Variants in ITGAX observed in about 807,000 individuals in gnomAD.
ITGAX encodes integrin alpha-X.
A neutral mutation model predicts 140.2 loss-of-function variants in ITGAX; 99 were observed. The ratio of observed to expected loss-of-function variants is 0.71; its 90% confidence interval spans 0.60 to 0.83. The LOEUF is 0.83. Among genes scored for constraint, ITGAX ranks in the 40% least tolerant of loss-of-function variants. The probability of loss-of-function intolerance (pLI) is 0.00; values close to 1 mark genes in which losing one functional copy is unlikely to be tolerated. For missense variants in ITGAX, 1,444 were observed against 1,482.0 expected, an observed-to-expected ratio of 0.97 and a Z score of 0.42; for synonymous variants, 631 against 600.4, an observed-to-expected ratio of 1.05 and a Z score of -0.75.
chr16:31,363,888 ACCTCTAAC>A (rs973410978), intron 14 of ITGAX, among the ~76,000 whole-genome samples: 5 of 152,050 alleles, frequency 3.3e-5, no homozygotes, highest in African/African-American at 1.2e-4. Flanking sequence ...CGGCCTCCTG[ACCTCTAAC>A]CCGGTGTGCA....
intron 14 of ITGAX, among the ~76,000 whole-genome samples, chr16:31,368,899 T>C (rs2080921349): frequency 6.6e-6 from 1 of 152,110 alleles, no homozygotes; most frequent in African/African-American, 2.4e-5. Flanking sequence ...ACACAGCACA[T>C]GTTTCAGAGA....
In ITGAX at chr16:31,377,454, G is replaced by T. The variant is rs1272763314; in HGVS notation, c.2789+189G>T. ...GAATTTGCTGTGTGCCAGGCAGGGT[G>T]CTGTGGTTATTTTCCATACATTCAT... On this transcript the variant is annotated intron_variant, in intron 23 of 29. Transcript: ENST00000268296. Among the ~76,000 whole-genome samples, 22 of 152,220 alleles carry T rather than the reference G, an allele frequency of 1.4e-4. 1 individual carries two copies. The highest frequency in any genetic ancestry group is 1.4e-3 in the Admixed American group (22 of 15,284).
In ITGAX at chr16:31,360,450, G is replaced by A. The variant is rs1432461419; in HGVS notation, c.848G>A (p.Arg283His). Residue 283 changes from arginine to histidine, a missense_variant, in exon 8 of 30, where the codon CGC becomes CAC. Arg to His is a conservative substitution (Grantham distance 29, BLOSUM62 0). Coordinates refer to ENST00000268296, the MANE Select transcript of ITGAX (RefSeq NM_000887.5). ...ATGGCTGATGCAGCAGGCATCATCC[G>A]CTATGCAATTGGGGTAGGGCGTGGG... ...IPMADAAGII[R>H]YAIGVGLAFQ... 8.1e-6 allele frequency: 13 copies of A among 1,610,154 alleles called. No homozygotes were observed. Among genetic ancestry groups the A allele is most frequent in the East Asian group, 2.2e-5 (1 of 44,870 alleles).
At chr16:31,367,087 C>A (rs1025964476) in intron 14 of ITGAX, among the ~76,000 whole-genome samples, 6 of 152,176 alleles carry the variant, frequency 3.9e-5, no homozygotes, top group Non-Finnish European at 8.8e-5. Context: ...AAAGCCAAAT[C>A]CAGAGCAAGG....
chr16:31,370,987 C>G, intron 14 of ITGAX, 97 bp from the exon 15 acceptor site: 1 of 1,507,594 alleles, frequency 6.6e-7, no homozygotes, highest in East Asian at 2.3e-5. Flanking sequence ...CCCTTCTCTC[C>G]CTTTCCGATG....
chr16:31,372,232 C>G, intron 17 of ITGAX, 146 bp from the exon 18 acceptor site: 2 of 884,254 alleles, frequency 2.3e-6, no homozygotes, highest in Non-Finnish European at 3.4e-6. Context: ...AGGGAGGCCT[C>G]CTGAAGGCGG....
chr16:31,355,375 G>A (rs2080748037), intron 1 of ITGAX, 84 bp downstream of exon 1: 1 of 1,454,548 alleles, frequency 6.9e-7, no homozygotes, highest in South Asian at 1.2e-5. Context: ...AGGCTGGGGG[G>A]TTAGGATCTG....
chr16:31,371,479 A>G lies in ITGAX; in HGVS notation c.1987A>G (p.Lys663Glu). 3 of 1,613,998 alleles carry G rather than the reference A, an allele frequency of 1.9e-6. No homozygotes were observed. The highest frequency in any genetic ancestry group is 3.3e-4 in the Middle Eastern group (2 of 6,060). The change falls in exon 16 of 30, where the codon AAG becomes GAG. Residue 663 changes from lysine (K) to glutamate (E), a missense_variant. Lys to Glu is a moderately conservative substitution (Grantham distance 56). Transcript: ENST00000268296. The part of the protein sequence containing the change: ...NICLYIDKRS[K>E]NLLGSRDLQS... The stretch of plus-strand genomic sequence containing the variant: ...CTGCCTTTACATTGACAAACGTTCT[A>G]AGAACCTGCTTGGGAGCCGTGAGTC...
Position 31,382,053 on chromosome 16 carries a change from G to A in ITGAX, c.*146G>A. On this transcript the variant is annotated 3_prime_UTR_variant, in exon 30 of 30. Transcript: ENST00000268296. ...TCCTGTCTTTGGGAGAAAACGTCTT[G>A]CTTGGGAAGGGGCCTTTGTCTTGTC... 7.6e-6 allele frequency: 11 copies of A among 1,441,374 alleles called. No individual in the cohort carries two copies. Among genetic ancestry groups the A allele is most frequent in the East Asian group, 2.5e-5 (1 of 40,012 alleles). 89.3% of individuals were successfully genotyped at this position (1,441,374 alleles called of 1,614,324 possible).
intron 16 of ITGAX, 34 bp downstream of exon 16, chr16:31,371,531 G>A: frequency 6.2e-7 from 1 of 1,611,030 alleles, no homozygotes; most frequent in Non-Finnish European, 8.5e-7. Flanking sequence ...AGGACACCCT[G>A]ACCTCTGGAG....
At chr16:31,355,810 T>G in intron 1 of ITGAX, 83 bp from the exon 2 acceptor site, 2 of 1,044,524 alleles carry the variant, frequency 1.9e-6, no homozygotes, top group African/African-American at 1.6e-5. Context: ...GGAGGGGAGA[T>G]TGGGACGCTG....
rs748600496 is a variant in ITGAX at position 31,372,579 on chromosome 16, C to T, written c.2293-18C>T. Reference sequence around the variant, plus strand: ...GGCCTGGGTCTCGGAGAAAACCCCCCGTTGCCTTCCCACGCAGCTACCCTT... The same window carrying T: ...GGCCTGGGTCTCGGAGAAAACCCCCTGTTGCCTTCCCACGCAGCTACCCTT... On this transcript the variant is annotated intron_variant, in intron 18 of 29. Transcript: ENST00000268296. The T allele has an allele frequency of 1.9e-5, 31 of 1,613,984 alleles. No individual in the cohort carries two copies. Among genetic ancestry groups the T allele is most frequent in the Middle Eastern group, 1.6e-4 (1 of 6,082 alleles).
At chr16:31,361,006 T>C (rs1302465736) in intron 8 of ITGAX, 57 bp from the exon 9 acceptor site, 73 of 1,554,630 alleles carry the variant, frequency 4.7e-5, no homozygotes, top group Non-Finnish European at 6.2e-5. Context: ...TTGCACCCAG[T>C]GCACACAGGC....
At chr16:31,364,426 C>CA (rs56776715) in intron 14 of ITGAX, among the ~76,000 whole-genome samples, 2,404 of 40,156 alleles carry the variant, frequency 0.06, 42 homozygotes, top group Non-Finnish European at 0.096. Context: ...AATCCCGTGT[C>CA]AAAAAAAAAA....
chr16:31,381,614 G>C (rs2081069378), intron 29 of ITGAX, among the ~76,000 whole-genome samples, 189 bp from the exon 30 acceptor site: 1 of 152,126 alleles, frequency 6.6e-6, no homozygotes, highest in African/African-American at 2.4e-5. Context: ...GGGCAACAGA[G>C]TGAGACTCCA....
intron 4 of ITGAX, 49 bp from the exon 5 acceptor site, chr16:31,357,204 G>A (rs2080771421): frequency 7.8e-6 from 12 of 1,545,918 alleles, no homozygotes; most frequent in Middle Eastern, 1.7e-4. Flanking sequence ...CGGAATGTGA[G>A]GGTGGGAGGA....
intron 14 of ITGAX, among the ~76,000 whole-genome samples, chr16:31,366,960 G>T (rs1364336679): frequency 6.6e-6 from 1 of 152,188 alleles, no homozygotes; most frequent in Non-Finnish European, 1.5e-5. Context: ...GAAATTAAGA[G>T]TGTTACTCCA....
intron 3 of ITGAX, 32 bp from the exon 4 acceptor site, chr16:31,356,999 G>A (rs1471498608): frequency 1.3e-6 from 2 of 1,574,054 alleles, no homozygotes; most frequent in Non-Finnish European, 8.6e-7. Context: ...CTGTACCCCC[G>A]AGAGTGACCA....
Position 31,371,368 on chromosome 16 carries a change from C to T in ITGAX, c.1876C>T (p.Gln626Ter). The T allele has an allele frequency of 6.2e-7, 1 of 1,614,186 alleles. No homozygotes were observed. The highest frequency in any genetic ancestry group is 8.5e-7 in the Non-Finnish European group (1 of 1,180,028). The change falls in exon 16 of 30, where the codon CAG becomes TAG. Residue 626 changes from glutamine (Q) to a stop codon, truncating the protein, a stop_gained. Transcript: ENST00000268296. LOFTEE classifies it high-confidence loss of function. ...TGTGCTCTGGGTGGGGGTGAGCATG[C>T]AGTTCATACCTGCCGAGATCCCCAG... ...RPVLWVGVSM[Q>*]FIPAEIPRSA...
Sources: allele counts gnomAD v4.1 joint callset (sites outside exome capture counted in the v4.1 genomes callset), GRCh38; gene constraint gnomAD v4.1.1; transcripts MANE v1.5; gene names NCBI Gene and HGNC (gene_info 2026-07-23, HGNC 2026-07-21).